RPL14: variants seen among roughly 807,000 people sequenced by gnomAD.
The protein encoded by RPL14 is ribosomal protein L14, also known as large ribosomal subunit protein eL14.
In RPL14, 4 loss-of-function variants were observed where a neutral mutation model predicts 25.3. The ratio of observed to expected loss-of-function variants is 0.16; its 90% CI spans 0.08 to 0.36. The LOEUF (loss-of-function observed/expected upper bound fraction) is 0.36. Among genes scored for constraint, RPL14 ranks in the 10% least tolerant of loss-of-function variants. The pLI, the probability that RPL14 is intolerant of heterozygous loss-of-function variation, is 1.00. For synonymous variants in RPL14, 75 were observed against 89.8 expected, an observed-to-expected ratio of 0.84 and a Z score of 0.93; for missense variants, 212 against 261.9, an observed-to-expected ratio of 0.81 and a Z score of 1.31.
chr3:40,458,748 C>T lies in RPL14; in HGVS notation c.200+12C>T, dbSNP rs1246016780. The T allele has an allele frequency of 1.2e-6, 2 of 1,604,110 alleles. No individual in the cohort carries two copies. Among genetic ancestry groups the T allele is most frequent in the Non-Finnish European group, 1.7e-6 (2 of 1,171,100 alleles). ...AAGTTTCCGCACAGGTAACTGTCCACTAATCACTCCTCCCTCCCATCCCCA... is the reference window on the plus strand; with the variant it reads ...AAGTTTCCGCACAGGTAACTGTCCATTAATCACTCCTCCCTCCCATCCCCA... On this transcript the variant is annotated intron_variant, in intron 3 of 5. Coordinates refer to ENST00000396203, the MANE Select transcript of RPL14 (RefSeq NM_001034996.3).
rs553964792 is a variant in RPL14, at chr3:40,462,650, G to C, written c.*418G>C. ...CTCGGCCTCCCAAAGTGCTAGGATT[G>C]CAGGCATGAGCCGCCGCGCCTGGCC... On this transcript the variant is annotated 3_prime_UTR_variant, in exon 6 of 6. Transcript: ENST00000396203. 6.3e-6 allele frequency: 1 copy of C among 158,678 alleles called. No homozygotes were observed. Among genetic ancestry groups the C allele is most frequent in the Non-Finnish European group, 1.4e-5 (1 of 72,354 alleles). 9.8% of individuals were successfully genotyped at this position (158,678 alleles called of 1,614,324 possible). A position where few individuals can be genotyped will look rare whatever the true frequency, so the allele number is the denominator to read the frequency against.
rs1200962155 is a variant in RPL14 at position 40,467,552 on chromosome 3, T to A, written c.*5320T>A. On this transcript the variant is annotated 3_prime_UTR_variant, in exon 6 of 6. Transcript: ENST00000396203. ...ATAGGATGATGCCCACCTGCATTGGTGAAGGTCATCTTTACTCAGTCTACC... is the reference window on the plus strand; with the variant it reads ...ATAGGATGATGCCCACCTGCATTGGAGAAGGTCATCTTTACTCAGTCTACC... 6.6e-6 allele frequency: 1 copy of A among 152,380 alleles called. No individual in the cohort carries two copies. The highest frequency in any genetic ancestry group is 2.4e-5 in the African/African-American group (1 of 41,458). The allele number at this position is 152,380 out of a possible 1,614,324, so 9.4% of individuals were successfully genotyped here.
In RPL14 at chr3:40,464,665, G is replaced by A. The variant is rs1187641385; in HGVS notation, c.*2433G>A. On this transcript the variant is annotated 3_prime_UTR_variant, in exon 6 of 6. Coordinates refer to ENST00000396203, the MANE Select transcript of RPL14 (RefSeq NM_001034996.3). Reference sequence around the variant, plus strand: ...GAACTGTTAAGACTGAATCTTATGGGATCAAGACTGGGAATGCTCGGGTTG... The same window carrying A: ...GAACTGTTAAGACTGAATCTTATGGAATCAAGACTGGGAATGCTCGGGTTG... 1 of 356,150 alleles carries A rather than the reference G, an allele frequency of 2.8e-6. No homozygotes were observed. The highest frequency in any genetic ancestry group is 7.4e-5 in the East Asian group (1 of 13,438). 22.1% of individuals were successfully genotyped at this position (356,150 alleles called of 1,614,324 possible).
rs1575252735 is a variant in RPL14, at chr3:40,462,372, C to CTTTTTTTTTTTTTTTT, written c.*140_*141insTTTTTTTTTTTTTTTT. ...TATAATAAACATTAAATAATCAGTTCCTTTTTTTTTTTTTTTTTTTTTGAG... is the reference window on the plus strand; with the variant it reads ...TATAATAAACATTAAATAATCAGTTCTTTTTTTTTTTTTTTTCTTTTTTTTTTTTTTTTTTTTTGAG... On this transcript the variant is annotated 3_prime_UTR_variant, in exon 6 of 6. Transcript: ENST00000396203. 3.8e-6 allele frequency: 2 copies of CTTTTTTTTTTTTTTTT among 519,600 alleles called. No individual in the cohort carries two copies. The highest frequency in any genetic ancestry group is 7.5e-5 in the South Asian group (2 of 26,558). The allele number at this position is 519,600 out of a possible 1,614,324, so 32.2% of individuals were successfully genotyped here. A position where few individuals can be genotyped will look rare whatever the true frequency, so the allele number is the denominator to read the frequency against.
intron 3 of RPL14, 136 bp downstream of exon 3, chr3:40,458,872 T>A (rs1029395263): frequency 5.5e-5 from 38 of 690,534 alleles, no homozygotes; most frequent in Admixed American, 1.4e-4. Flanking sequence ...TAGACAGGGA[T>A]TATTTACTTT....
In RPL14 at chr3:40,464,282, T is replaced by G. The variant is rs1696995934; in HGVS notation, c.*2050T>G. 2.8e-6 allele frequency: 1 copy of G among 354,406 alleles called. No homozygotes were observed. Among genetic ancestry groups the G allele is most frequent in the Non-Finnish European group, 5.6e-6 (1 of 179,834 alleles). 22.0% of individuals were successfully genotyped at this position (354,406 alleles called of 1,614,324 possible). A position where few individuals can be genotyped will look rare whatever the true frequency, so the allele number is the denominator to read the frequency against. On this transcript the variant is annotated 3_prime_UTR_variant, in exon 6 of 6. Coordinates refer to ENST00000396203, the MANE Select transcript of RPL14 (RefSeq NM_001034996.3). ...GCCAGGAATACATTTTAAATAAATTTGTTTCCTAACCAAAAGCTAGCTTCA... is the reference window on the plus strand; with the variant it reads ...GCCAGGAATACATTTTAAATAAATTGGTTTCCTAACCAAAAGCTAGCTTCA...
rs537043809 is a variant in RPL14 at position 40,464,738 on chromosome 3, C to T, written c.*2506C>T. The T allele has an allele frequency of 6.5e-6, 2 of 306,330 alleles. No individual in the cohort carries two copies. Among genetic ancestry groups the T allele is most frequent in the East Asian group, 7.8e-5 (1 of 12,780 alleles). 19.0% of individuals were successfully genotyped at this position (306,330 alleles called of 1,614,324 possible). Reference sequence around the variant, plus strand: ...TCCAAGGAAGTGACAGTGGTAATGCCATTTAGGTGGTCTTGATCATGCATT... The same window carrying T: ...TCCAAGGAAGTGACAGTGGTAATGCTATTTAGGTGGTCTTGATCATGCATT... On this transcript the variant is annotated 3_prime_UTR_variant, in exon 6 of 6. Coordinates refer to ENST00000396203, the MANE Select transcript of RPL14 (RefSeq NM_001034996.3).
rs74793792 is a variant in RPL14 at position 40,464,310 on chromosome 3, C to T, written c.*2078C>T. The T allele has an allele frequency of 1.7e-4, 59 of 356,778 alleles. 1 individual carries two copies. Among genetic ancestry groups the T allele is most frequent in the African/African-American group, 1.2e-3 (57 of 46,974 alleles). The allele number at this position is 356,778 out of a possible 1,614,324, so 22.1% of individuals were successfully genotyped here. A position where few individuals can be genotyped will look rare whatever the true frequency, so the allele number is the denominator to read the frequency against. On this transcript the variant is annotated 3_prime_UTR_variant, in exon 6 of 6. Coordinates refer to ENST00000396203, the MANE Select transcript of RPL14 (RefSeq NM_001034996.3). ...TTCCTAACCAAAAGCTAGCTTCAGG[C>T]GTCACTGGGGTAAAGGAAAAAGCAC...
chr3:40,459,872 A>AAAC (rs941929300), intron 3 of RPL14, among the ~76,000 whole-genome samples: 1 of 151,226 alleles, frequency 6.6e-6, no homozygotes, highest in African/African-American at 2.4e-5. Flanking sequence ...AAAAAAAAAA[A>AAAC]AAAAAAAACT....
Position 40,465,355 on chromosome 3 carries a change from GCTT to G in RPL14, c.*3126_*3128del, listed in dbSNP as rs999071129. 4.6e-5 allele frequency: 7 copies of G among 152,178 alleles called. No individual in the cohort carries two copies. Among genetic ancestry groups the G allele is most frequent in the Non-Finnish European group, 7.3e-5 (5 of 68,050 alleles). The allele number at this position is 152,178 out of a possible 1,614,324, so 9.4% of individuals were successfully genotyped here. A position where few individuals can be genotyped will look rare whatever the true frequency, so the allele number is the denominator to read the frequency against. On this transcript the variant is annotated 3_prime_UTR_variant, in exon 6 of 6. Transcript: ENST00000396203. ...TCTGGAGTGATGGGCATGTTCAAAT[GCTT>G]CTGGGAAAGGAGCTAATAGGAGAGA...
chr3:40,457,510 G>GTCCCTTCCCGGACTCGC, intron 1 of RPL14, 36 bp downstream of exon 1: 1 of 1,485,014 alleles, frequency 6.7e-7, no homozygotes. Context: ...AGCGGAATCG[G>GTCCCTTCCCGGACTCGC]GCCCTTCCCG....
At chr3:40,458,195 G>T in intron 2 of RPL14, 1 of 594,716 alleles carries the variant, frequency 1.7e-6, no homozygotes, top group African/African-American at 1.9e-5. Context: ...AGCCACTTAA[G>T]CTAGAGCCAG....
At position 40,461,592 on chromosome 3, in the gene RPL14, G is replaced by A; in HGVS notation, c.301-16G>A. ...GTGAGAGGGATAATTTTTATTTGTT[G>A]TTTTTTTTTTAACAGAAAGCCAAGA... On this transcript the variant is annotated splice_polypyrimidine_tract_variant and intron_variant, in intron 4 of 5. Transcript: ENST00000396203. The A allele has an allele frequency of 2.1e-6, 3 of 1,418,598 alleles. No homozygotes were observed. Among genetic ancestry groups the A allele is most frequent in the Non-Finnish European group, 2.9e-6 (3 of 1,040,020 alleles). The allele number at this position is 1,418,598 out of a possible 1,614,324, so 87.9% of individuals were successfully genotyped here.
chr3:40,458,352 C>T (rs1367514551), intron 2 of RPL14: 2 of 516,154 alleles, frequency 3.9e-6, no homozygotes, highest in Non-Finnish European at 6.9e-6. Context: ...GACTATAAAT[C>T]AGCAGGGATC....
At chr3:40,461,194 CAA>C (rs373793705) in intron 3 of RPL14, among the ~76,000 whole-genome samples, 2 of 138,904 alleles carry the variant, frequency 1.4e-5, no homozygotes, top group East Asian at 4.4e-4. Flanking sequence ...GATCCTCTCT[CAA>C]AAAAAAAAAG....
In RPL14 at chr3:40,462,328, G is replaced by A; in HGVS notation, c.*96G>A. 2 of 1,195,578 alleles carry A rather than the reference G, an allele frequency of 1.7e-6. No homozygotes were observed. Among genetic ancestry groups the A allele is most frequent in the Non-Finnish European group, 2.3e-6 (2 of 869,528 alleles). The allele number at this position is 1,195,578 out of a possible 1,614,324, so 74.1% of individuals were successfully genotyped here. A position where few individuals can be genotyped will look rare whatever the true frequency, so the allele number is the denominator to read the frequency against. On this transcript the variant is annotated 3_prime_UTR_variant, in exon 6 of 6. Coordinates refer to ENST00000396203, the MANE Select transcript of RPL14 (RefSeq NM_001034996.3). The stretch of plus-strand genomic sequence containing the variant: ...AAGCCTGTTGAGGCTGGAGTTAGGA[G>A]GCAGATTGATAGTAGGATTATAATA...
intron 3 of RPL14, among the ~76,000 whole-genome samples, chr3:40,460,577 T>C (rs1310082169): frequency 1.3e-5 from 2 of 150,692 alleles, no homozygotes; most frequent in Non-Finnish European, 3.0e-5. Flanking sequence ...AGTGGAATTA[T>C]ATATAGTCAG....
At position 40,457,900 on chromosome 3, in the gene RPL14, G is replaced by T; in HGVS notation, c.14G>T (p.Arg5Leu). The T allele has an allele frequency of 6.2e-7, 1 of 1,614,176 alleles. No homozygotes were observed. The highest frequency in any genetic ancestry group is 8.5e-7 in the Non-Finnish European group (1 of 1,179,996). The part of the protein sequence containing the change: MVFR[R>L]FVEVGRVAYV... ...CTCCTCCAATTTTAGGTGTTCAGGC[G>T]CTTCGTGGAGGTTGGCCGGGTGGCC... Residue 5 changes from arginine (R) to leucine (L), a missense_variant, in exon 2 of 6, where the codon CGC (arginine) becomes CTC (leucine). Arg to Leu is a moderately radical substitution (Grantham distance 102). Transcript: ENST00000396203.
Position 40,464,574 on chromosome 3 carries a change from G to A in RPL14, c.*2342G>A, listed in dbSNP as rs971040567. ...GGAAGTAGGTTAGTGGTTAGATCGTGTAGGGGAACACGGGAAGCTACTGAG... is the reference window on the plus strand; with the variant it reads ...GGAAGTAGGTTAGTGGTTAGATCGTATAGGGGAACACGGGAAGCTACTGAG... On this transcript the variant is annotated 3_prime_UTR_variant, in exon 6 of 6. Coordinates refer to ENST00000396203, the MANE Select transcript of RPL14 (RefSeq NM_001034996.3). 1 of 452,362 alleles carries A rather than the reference G, an allele frequency of 2.2e-6. No individual in the cohort carries two copies. The highest frequency in any genetic ancestry group is 4.4e-6 in the Non-Finnish European group (1 of 225,228). 28.0% of individuals were successfully genotyped at this position (452,362 alleles called of 1,614,324 possible).
Sources: gnomAD v4.1 joint callset for allele counts (sites outside exome capture counted in the v4.1 genomes callset) on GRCh38, gnomAD v4.1.1 for gene constraint, MANE v1.5 for transcripts, NCBI Gene and HGNC (gene_info 2026-07-23, HGNC 2026-07-21) for gene names.